The following CSGALNACT1 variants were observed in gnomAD, a reference collection of about 807,000 sequenced individuals.
CSGALNACT1 encodes the protein chondroitin sulfate N-acetylgalactosaminyltransferase 1.
A neutral mutation model predicts 51.0 loss-of-function variants in CSGALNACT1; 52 were observed. That is an observed-to-expected ratio of 1.02 (90% CI 0.82 to 1.29). The LOEUF (loss-of-function observed/expected upper bound fraction) is 1.29. Ranked by LOEUF, CSGALNACT1 falls within the 50% of genes most tolerant of loss-of-function variation. CSGALNACT1 has a pLI of 0.00. For missense variants in CSGALNACT1, 935 were observed against 679.2 expected (o/e 1.38, Z -4.19); for synonymous variants, 341 against 254.4 (o/e 1.34, Z -3.24).
At chr8:19,664,845 A>G (rs73214686) in intron 1 of CSGALNACT1, among the ~76,000 whole-genome samples, 15,680 of 152,256 alleles carry the variant, frequency 0.1, 844 homozygotes, top group African/African-American at 0.12. Flanking sequence ...ATGTATATAC[A>G]TGGATACAGA....
At chr8:19,541,418 T>A (rs2085098804) in intron 3 of CSGALNACT1, among the ~76,000 whole-genome samples, 2 of 151,118 alleles carry the variant, frequency 1.3e-5, no homozygotes, top group South Asian at 4.2e-4. Flanking sequence ...ACCCGGCTAA[T>A]TTTTTTTGTA....
intron 1 of CSGALNACT1, among the ~76,000 whole-genome samples, chr8:19,628,361 C>T (rs1468886826): frequency 6.6e-6 from 1 of 152,206 alleles, no homozygotes; most frequent in African/African-American, 2.4e-5. Context: ...ACCATCAGCT[C>T]TCATGAGGAC....
chr8:19,411,454 A>C (rs2055711568), intron 8 of CSGALNACT1, among the ~76,000 whole-genome samples: 1 of 152,166 alleles, frequency 6.6e-6, no homozygotes, highest in African/African-American at 2.4e-5. Flanking sequence ...TCAATGAATG[A>C]ACCAAGAGCC....
chr8:19,522,697 T>C (rs556227366), intron 3 of CSGALNACT1, among the ~76,000 whole-genome samples: 4 of 152,328 alleles, frequency 2.6e-5, no homozygotes, highest in South Asian at 2.1e-4. Context: ...GCAAAGTCAC[T>C]CTTCAAGTGG....
At chr8:19,565,860 G>C (rs551042503) in intron 3 of CSGALNACT1, among the ~76,000 whole-genome samples, 5 of 152,188 alleles carry the variant, frequency 3.3e-5, no homozygotes, top group African/African-American at 4.8e-5. Context: ...GCAGTGAGCC[G>C]AGATCGTGCC....
At chr8:19,587,871 G>T (rs2046987533) in intron 3 of CSGALNACT1, 1 of 152,110 alleles carries the variant, frequency 6.6e-6, no homozygotes, top group African/African-American at 2.4e-5. Flanking sequence ...TCATATTTGT[G>T]ATACCTTTGT....
In CSGALNACT1 at chr8:19,406,093, G is replaced by T. The variant is rs760941508; in HGVS notation, c.1310-24C>A. ...ACCTGTCGGGACAGAACACACTGTTGAATCACACTGCACTGATCTGTTTTG... is the reference window on the plus strand; with the variant it reads ...ACCTGTCGGGACAGAACACACTGTTTAATCACACTGCACTGATCTGTTTTG... On this transcript the variant is annotated intron_variant, in intron 9 of 9. Transcript: ENST00000454498. The T allele has an allele frequency of 2.5e-6, 4 of 1,613,560 alleles. No individual in the cohort carries two copies. In the East Asian group the frequency reaches 6.7e-5, roughly 27 times the overall value.
At chr8:19,749,670 A>G (rs1162906336) in intron 1 of CSGALNACT1, among the ~76,000 whole-genome samples, 2 of 152,186 alleles carry the variant, frequency 1.3e-5, no homozygotes, top group African/African-American at 2.4e-5. Context: ...AGGGCCCTAT[A>G]CAGGCCTCCA....
intron 1 of CSGALNACT1, among the ~76,000 whole-genome samples, chr8:19,735,859 A>C (rs2063938680): frequency 6.6e-6 from 1 of 152,212 alleles, no homozygotes; most frequent in Admixed American, 6.5e-5. Flanking sequence ...TCAAATCCTA[A>C]AAACAATTCA....
intron 3 of CSGALNACT1, among the ~76,000 whole-genome samples, chr8:19,560,044 G>A (rs1267998609): frequency 7.2e-5 from 11 of 152,116 alleles, no homozygotes; most frequent in Admixed American, 6.5e-5. Flanking sequence ...TAGACAAACG[G>A]CACTGACTAG....
At chr8:19,578,647 C>T (rs891786133) in intron 3 of CSGALNACT1, among the ~76,000 whole-genome samples, 6 of 152,046 alleles carry the variant, frequency 3.9e-5, no homozygotes, top group South Asian at 4.1e-4. Context: ...CTCTAAACTG[C>T]GCTACCCACC....
chr8:19,479,625 A>C (rs1391936202), intron 4 of CSGALNACT1, among the ~76,000 whole-genome samples: 3 of 152,190 alleles, frequency 2.0e-5, no homozygotes, highest in Non-Finnish European at 4.4e-5. Context: ...TGCTGTTCTA[A>C]CCAGGCAAAT....
At chr8:19,415,807 C>T (rs1309133166) in intron 8 of CSGALNACT1, among the ~76,000 whole-genome samples, 1 of 152,194 alleles carries the variant, frequency 6.6e-6, no homozygotes, top group Admixed American at 6.5e-5. Flanking sequence ...TATCCTGTTT[C>T]CCTTTCAATC....
chr8:19,704,176 A>G (rs2062032071), intron 1 of CSGALNACT1, among the ~76,000 whole-genome samples: 1 of 151,974 alleles, frequency 6.6e-6, no homozygotes, highest in Non-Finnish European at 1.5e-5. Context: ...CCTCTCTTCC[A>G]TTTCCCCCAG....
intron 3 of CSGALNACT1, among the ~76,000 whole-genome samples, chr8:19,543,806 G>T (rs571299142): frequency 6.6e-6 from 1 of 152,300 alleles, no homozygotes; most frequent in Non-Finnish European, 1.5e-5. Context: ...GCAACTAAAT[G>T]CTGATCCTGA....
At chr8:19,607,835 T>G (rs1267267640) in intron 1 of CSGALNACT1, among the ~76,000 whole-genome samples, 2 of 152,214 alleles carry the variant, frequency 1.3e-5, no homozygotes, top group Admixed American at 6.5e-5. Flanking sequence ...AGGATGATCT[T>G]TATCTGTTGT....
intron 1 of CSGALNACT1, among the ~76,000 whole-genome samples, chr8:19,749,596 T>C (rs1226487686): frequency 6.6e-6 from 1 of 152,140 alleles, no homozygotes; most frequent in Non-Finnish European, 1.5e-5. Context: ...TAAAACCACT[T>C]GGAACATCTC....
chr8:19,708,167 A>G (rs1414492365), intron 1 of CSGALNACT1, among the ~76,000 whole-genome samples: 1 of 152,212 alleles, frequency 6.6e-6, no homozygotes, highest in Non-Finnish European at 1.5e-5. Context: ...GGTCAAGGTA[A>G]CTGGTCACAT....
upstream of CSGALNACT1, among the ~76,000 whole-genome samples, chr8:19,603,739 C>T (rs2050929619): frequency 1.3e-5 from 2 of 152,192 alleles, no homozygotes; most frequent in Non-Finnish European, 2.9e-5. Context: ...CCATCACTGG[C>T]ATGGTCTTTA....
Sources: allele counts gnomAD v4.1 joint callset (sites outside exome capture counted in the v4.1 genomes callset), GRCh38; gene constraint gnomAD v4.1.1; transcripts MANE v1.5; gene names NCBI Gene and HGNC (gene_info 2026-07-23, HGNC 2026-07-21).